TBC1D10B: variants seen among roughly 807,000 people sequenced by gnomAD.
TBC1D10B encodes TBC1 domain family member 10B, also known as Rab27A-GAPbeta.
Under a neutral mutation model 78.4 loss-of-function variants are expected in TBC1D10B, and 25 were observed. The observed-to-expected ratio is 0.32, with a 90% confidence interval of 0.23 to 0.45. TBC1D10B has a LOEUF of 0.45. Among genes scored for constraint, TBC1D10B ranks in the 20% least tolerant of loss-of-function variants. The probability of loss-of-function intolerance (pLI) is 1.00; values close to 1 mark genes in which losing one functional copy is unlikely to be tolerated. For missense variants in TBC1D10B, 996 were observed against 1,104.8 expected, an observed-to-expected ratio of 0.90 and a Z score of 1.40; for synonymous variants, 517 against 478.0, an observed-to-expected ratio of 1.08 and a Z score of -1.06.
Position 30,369,545 on chromosome 16 carries a change from G to A in TBC1D10B, c.639C>T (p.Pro213=). The A allele has an allele frequency of 6.5e-7, 1 of 1,544,738 alleles. No individual in the cohort carries two copies. Among genetic ancestry groups the A allele is most frequent in the Non-Finnish European group, 8.7e-7 (1 of 1,143,994 alleles). ...CAGAGGGGCCTGTGCCAGGGCCTGA[G>A]GGGTCCTCAGGAGCCTGTCCTGCTG... is the stretch of plus-strand genomic sequence containing the variant. ...SASAGQAPED[P]SGPGTGPSGT... is the part of the protein sequence containing the mutation. Residue 213 remains proline, a synonymous_variant, in exon 1 of 9, where the codon CCC becomes CCT. Transcript: ENST00000409939. This position sits in a 1 kb window ranked among gnomAD's most constrained non-coding sequence, Gnocchi z 4.3.
Position 30,365,192 on chromosome 16 carries a change from C to T in TBC1D10B, c.1077G>A (p.Lys359=), listed in dbSNP as rs758781376. 6.2e-6 allele frequency: 10 copies of T among 1,613,928 alleles called. No homozygotes were observed. The South Asian group carries it at 1.1e-4, about 18-fold the overall frequency. ...RFQKVKLRCR[K]GIPSSLRAKA... ...TGGCTCTGAGAGAGGAGGGGATCCC[C>T]TTCCGGCAGCGCAGCTTCACCTAAG... Residue 359 remains lysine (K), a synonymous_variant, in exon 3 of 9, where the codon AAG becomes AAA. Transcript: ENST00000409939. This position sits in a 1 kb window ranked among gnomAD's most constrained non-coding sequence, Gnocchi z 5.0.
In TBC1D10B at chr16:30,369,230, G is replaced by A; in HGVS notation, c.954C>T (p.Ser318=). 2 of 1,576,040 alleles carry A rather than the reference G, an allele frequency of 1.3e-6. No homozygotes were observed. The highest frequency in any genetic ancestry group is 1.2e-5 in the South Asian group (1 of 85,692). The part of the protein sequence containing the change: ...GFLGGSQYSG[S]LESSIPVDVA... ...GCTGGGTGCCCACTGGTACTCACAGGCTGCCCGAGTACTGGCTGCCCCCAA... is the reference window on the plus strand; with the variant it reads ...GCTGGGTGCCCACTGGTACTCACAGACTGCCCGAGTACTGGCTGCCCCCAA... Residue 318 remains serine, a splice_region_variant and synonymous_variant, in exon 1 of 9, where the codon AGC becomes AGT. Coordinates refer to ENST00000409939, the MANE Select transcript of TBC1D10B (RefSeq NM_015527.4). The surrounding 1 kb of genome is among the most constrained non-coding windows in gnomAD (Gnocchi z 4.3).
chr16:30,358,867 AG>A, intron 7 of TBC1D10B, 50 bp from the exon 8 acceptor site: 1 of 1,554,072 alleles, frequency 6.4e-7, no homozygotes, highest in African/African-American at 1.4e-5. Flanking sequence ...CCAAGATCTC[AG>A]CCTGTCCTGA....
Position 30,365,509 on chromosome 16 carries a change from G to T in TBC1D10B, c.1042C>A (p.Arg348=). The change falls in exon 2 of 9, where the codon CGG becomes AGG. Residue 348 remains arginine, a synonymous_variant. Transcript: ENST00000409939. This position sits in a 1 kb window ranked among gnomAD's most constrained non-coding sequence, Gnocchi z 5.0. Reference sequence around the variant, plus strand: ...AGCCCTCAAACCTTCTGGAATCGCCGTGACAGCCACTTATCCCAGTTACTG... The same window carrying T: ...AGCCCTCAAACCTTCTGGAATCGCCTTGACAGCCACTTATCCCAGTTACTG... ...MFSNWDKWLS[R]RFQKVKLRCR... 1.2e-6 allele frequency: 2 copies of T among 1,613,960 alleles called. No individual in the cohort carries two copies. Among genetic ancestry groups the T allele is most frequent in the Non-Finnish European group, 1.7e-6 (2 of 1,179,894 alleles).
chr16:30,364,941 C>T lies in TBC1D10B; in HGVS notation c.1230G>A (p.Gln410=). Residue 410 remains glutamine (Q), a synonymous_variant, in exon 4 of 9, where the codon CAG becomes CAA. Transcript: ENST00000409939. ...CAGCAAACATCTCGTGGAAAGGGAA[C>T]TGGCGGTGCAGGTCCTTCTCAATCA... ...LDVIEKDLHR[Q]FPFHEMFAAR... 6.2e-7 allele frequency: 1 copy of T among 1,613,166 alleles called. No individual in the cohort carries two copies. The highest frequency in any genetic ancestry group is 8.5e-7 in the Non-Finnish European group (1 of 1,179,602).
Position 30,361,228 on chromosome 16 carries a change from G to C in TBC1D10B, c.1272-1387C>G, listed in dbSNP as rs377112562. 2.0e-5 allele frequency among the ~76,000 whole-genome samples: 3 copies of C among 152,158 alleles called. No individual in the cohort carries two copies. The East Asian group carries it at 5.8e-4, about 29-fold the overall frequency. ...TGAATCTGGGAATCTGGGAGGCAGAGGTTGCAGTGAGCCAAGATCACACCA... is the reference window on the plus strand; with the variant it reads ...TGAATCTGGGAATCTGGGAGGCAGACGTTGCAGTGAGCCAAGATCACACCA... On this transcript the variant is annotated intron_variant, in intron 4 of 8. Transcript: ENST00000409939.
chr16:30,358,444 G>A lies in TBC1D10B; in HGVS notation c.1927C>T (p.His643Tyr), dbSNP rs1208983069. The change falls in exon 9 of 9, where the codon CAC (histidine) becomes TAC (tyrosine). Residue 643 changes from histidine (H) to tyrosine (Y), a missense_variant. This residue lies in a region of TBC1D10B where 285 missense variants were observed against 252.5 expected (regional missense o/e 1.13). Transcript: ENST00000409939. ...SRRLHGSRAI[H>Y]EERRRQQPPL... ...GGCTGTTGCCGCCGGCGCTCCTCGT[G>A]GATGGCCCGGGACCCATGCAGTCGC... The A allele has an allele frequency of 6.3e-7, 1 of 1,589,476 alleles. No individual in the cohort carries two copies. The highest frequency in any genetic ancestry group is 8.6e-7 in the Non-Finnish European group (1 of 1,168,480).
Position 30,365,366 on chromosome 16 carries a change from C to G in TBC1D10B, c.1056+129G>C. On this transcript the variant is annotated intron_variant, in intron 2 of 8. Coordinates refer to ENST00000409939, the MANE Select transcript of TBC1D10B (RefSeq NM_015527.4). This position sits in a 1 kb window ranked among gnomAD's most constrained non-coding sequence, Gnocchi z 5.0. ...TGGACTTCTATTTTTAAAGCCATTC[C>G]CCCGCCAGGGCCCATCTATCCCCAG... is the stretch of plus-strand genomic sequence containing the variant. 1.5e-6 allele frequency: 2 copies of G among 1,299,840 alleles called. No individual in the cohort carries two copies. The highest frequency in any genetic ancestry group is 3.6e-5 in the Admixed American group (2 of 55,166). The allele number at this position is 1,299,840 out of a possible 1,614,324, so 80.5% of individuals were successfully genotyped here. A position where few individuals can be genotyped will look rare whatever the true frequency, so the allele number is the denominator to read the frequency against.
rs1268463430 is a variant in TBC1D10B, at chr16:30,370,018, C to T, written c.166G>A (p.Gly56Arg). The change falls in exon 1 of 9, where the codon GGG becomes AGG. Residue 56 changes from glycine (G) to arginine (R), a missense_variant. By Grantham distance (125) the Gly-to-Arg change is moderately radical. Around this residue, in one of 5 missense-constraint regions of TBC1D10B, gnomAD observed 448 missense variants for 442.1 expected, o/e 1.01. Coordinates refer to ENST00000409939, the MANE Select transcript of TBC1D10B (RefSeq NM_015527.4). The part of the protein sequence containing the change: ...TSAPVTLVAP[G>R]EARPAWVPGS... ...GGGACCCAGGCGGGCCGCGCCTCCCCGGGGGCCACCAGGGTGACGGGGGCC... is the reference window on the plus strand; with the variant it reads ...GGGACCCAGGCGGGCCGCGCCTCCCTGGGGGCCACCAGGGTGACGGGGGCC... The T allele has an allele frequency of 2.4e-6, 3 of 1,231,766 alleles. No individual in the cohort carries two copies. The East Asian group carries it at 9.5e-5, about 39-fold the overall frequency. The allele number at this position is 1,231,766 out of a possible 1,614,324, so 76.3% of individuals were successfully genotyped here.
chr16:30,365,063 C>G lies in TBC1D10B; in HGVS notation c.1164+42G>C. ...TCTGGGGGAACTGATACCCCTTGCA[C>G]AGACAGGGCCACATGTCCCCACACC... On this transcript the variant is annotated intron_variant, in intron 3 of 8. Transcript: ENST00000409939. This position sits in a 1 kb window ranked among gnomAD's most constrained non-coding sequence, Gnocchi z 5.0. 6.2e-7 allele frequency: 1 copy of G among 1,611,704 alleles called. No individual in the cohort carries two copies. Among genetic ancestry groups the G allele is most frequent in the Non-Finnish European group, 8.5e-7 (1 of 1,177,830 alleles).
At position 30,365,206 on chromosome 16, in the gene TBC1D10B, G is replaced by C; in HGVS notation, c.1063C>G (p.Leu355Val). Residue 355 changes from leucine to valine, a missense_variant, in exon 3 of 9, where the codon CTG becomes GTG. Coordinates refer to ENST00000409939, the MANE Select transcript of TBC1D10B (RefSeq NM_015527.4). This position sits in a 1 kb window ranked among gnomAD's most constrained non-coding sequence, Gnocchi z 5.0. ...WLSRRFQKVKLRCRKGIPSSL... is the reference protein window; with the variant it reads ...WLSRRFQKVKVRCRKGIPSSL... The stretch of plus-strand genomic sequence containing the variant: ...GAGGGGATCCCCTTCCGGCAGCGCA[G>C]CTTCACCTAAGGCAAAGTGGCAGGA... The C allele has an allele frequency of 6.2e-7, 1 of 1,613,894 alleles. No homozygotes were observed. Among genetic ancestry groups the C allele is most frequent in the Non-Finnish European group, 8.5e-7 (1 of 1,179,856 alleles).
In TBC1D10B at chr16:30,365,669, A is replaced by G; in HGVS notation, c.957-75T>C. The G allele has an allele frequency of 2.9e-6, 4 of 1,376,862 alleles. No homozygotes were observed. The highest frequency in any genetic ancestry group is 4.1e-6 in the Non-Finnish European group (4 of 973,208). 85.3% of individuals were successfully genotyped at this position (1,376,862 alleles called of 1,614,324 possible). ...CTGCATTGCAGGGGGAACTGAGGCA[A>G]GCCACCTCCCCAAGCTCAAACGAGA... On this transcript the variant is annotated intron_variant, in intron 1 of 8. Coordinates refer to ENST00000409939, the MANE Select transcript of TBC1D10B (RefSeq NM_015527.4). This position sits in a 1 kb window ranked among gnomAD's most constrained non-coding sequence, Gnocchi z 5.0.
rs1347286435 is a variant in TBC1D10B, at chr16:30,357,152, T to C, written c.*792A>G. 2 of 151,702 alleles carry C rather than the reference T, an allele frequency of 1.3e-5. No homozygotes were observed. Among genetic ancestry groups the C allele is most frequent in the East Asian group, 1.9e-4 (1 of 5,130 alleles). The allele number at this position is 151,702 out of a possible 1,614,324, so 9.4% of individuals were successfully genotyped here. The stretch of plus-strand genomic sequence containing the variant: ...CAATTCCTCAAAGCGCTGCATGGGG[T>C]GGGGGCAGAGACAGAAGAGAATGTA... On this transcript the variant is annotated 3_prime_UTR_variant, in exon 9 of 9. Coordinates refer to ENST00000409939, the MANE Select transcript of TBC1D10B (RefSeq NM_015527.4).
Position 30,359,283 on chromosome 16 carries a change from G to A in TBC1D10B, c.1531C>T (p.Arg511Trp), listed in dbSNP as rs2049582915. 5.0e-6 allele frequency: 8 copies of A among 1,607,322 alleles called. No homozygotes were observed. The highest frequency in any genetic ancestry group is 6.8e-6 in the Non-Finnish European group (8 of 1,176,974). Residue 511 changes from arginine to tryptophan, a missense_variant, in exon 7 of 9, where the codon CGG (arginine) becomes TGG (tryptophan). Around this residue, in one of 5 missense-constraint regions of TBC1D10B, gnomAD observed 168 missense variants for 238.7 expected, o/e 0.70. Transcript: ENST00000409939. ...ASPLAHRHLR[R>W]QRIDPVLYMT... is the part of the protein sequence containing the mutation. ...TAGAGCACAGGGTCAATGCGCTGCC[G>A]CCGCAGGTGGCGATGCGCCAGCGGG... is the stretch of plus-strand genomic sequence containing the variant.
At chr16:30,364,462 T>C (rs1047479090) in intron 4 of TBC1D10B, among the ~76,000 whole-genome samples, 1 of 151,878 alleles carries the variant, frequency 6.6e-6, no homozygotes, top group African/African-American at 2.4e-5. Flanking sequence ...CAAAAAAAAG[T>C]CCATCAGAGA....
Position 30,365,255 on chromosome 16 carries a change from A to G in TBC1D10B, c.1057-43T>C, listed in dbSNP as rs774328129. The G allele has an allele frequency of 5.1e-6, 8 of 1,557,816 alleles. No homozygotes were observed. Among genetic ancestry groups the G allele is most frequent in the Non-Finnish European group, 7.1e-6 (8 of 1,130,694 alleles). On this transcript the variant is annotated intron_variant, in intron 2 of 8. Coordinates refer to ENST00000409939, the MANE Select transcript of TBC1D10B (RefSeq NM_015527.4). The surrounding 1 kb of genome is among the most constrained non-coding windows in gnomAD (Gnocchi z 5.0). ...GAGGGGGACAGCTTCAAGGGCTGGCACAGCCTCCAACCTTTCCCCAGCAGT... is the reference window on the plus strand; with the variant it reads ...GAGGGGGACAGCTTCAAGGGCTGGCGCAGCCTCCAACCTTTCCCCAGCAGT...
At chr16:30,359,690 C>G (rs1406093007) in intron 5 of TBC1D10B, 37 bp downstream of exon 5, 1 of 1,554,740 alleles carries the variant, frequency 6.4e-7, no homozygotes, top group Non-Finnish European at 8.7e-7. Flanking sequence ...GGGTGAGATC[C>G]CCCCTGCCCC....
Position 30,357,856 on chromosome 16 carries a change from C to G in TBC1D10B, c.*88G>C. 1 of 1,451,290 alleles carries G rather than the reference C, an allele frequency of 6.9e-7. No individual in the cohort carries two copies. Among genetic ancestry groups the G allele is most frequent in the Non-Finnish European group, 9.1e-7 (1 of 1,103,572 alleles). The allele number at this position is 1,451,290 out of a possible 1,614,324, so 89.9% of individuals were successfully genotyped here. On this transcript the variant is annotated 3_prime_UTR_variant, in exon 9 of 9. Coordinates refer to ENST00000409939, the MANE Select transcript of TBC1D10B (RefSeq NM_015527.4). The stretch of plus-strand genomic sequence containing the variant: ...CTTTCCCCAGCAAGGGACAGCCTGA[C>G]AAGGTGCTAGGGGGTGGCACCTTGG...
Position 30,369,614 on chromosome 16 carries a change from T to C in TBC1D10B, c.570A>G (p.Gly190=), listed in dbSNP as rs1567415822. 2 of 1,527,196 alleles carry C rather than the reference T, an allele frequency of 1.3e-6. No homozygotes were observed. The highest frequency in any genetic ancestry group is 8.8e-7 in the Non-Finnish European group (1 of 1,134,522). 94.6% of individuals were successfully genotyped at this position (1,527,196 alleles called of 1,614,324 possible). The change falls in exon 1 of 9, where the codon GGA becomes GGG. Residue 190 remains glycine, a synonymous_variant. Coordinates refer to ENST00000409939, the MANE Select transcript of TBC1D10B (RefSeq NM_015527.4). The surrounding 1 kb of genome is among the most constrained non-coding windows in gnomAD (Gnocchi z 4.3). Reference sequence around the variant, plus strand: ...CAGCTCCATGCCCACCTGTCACTTGTCCTGATGCACTCCGTGCAGTCACTC... The same window carrying C: ...CAGCTCCATGCCCACCTGTCACTTGCCCTGATGCACTCCGTGCAGTCACTC... ...ASGVTARSAS[G]QVTGGHGAAA... is the part of the protein sequence containing the mutation.
Sources: gnomAD v4.1 joint callset for allele counts (sites outside exome capture counted in the v4.1 genomes callset) on GRCh38, gnomAD v4.1.1 for gene constraint, gnomAD v4.1.1 regional missense constraint, Gnocchi (gnomAD v3.1) non-coding constraint, MANE v1.5 for transcripts, NCBI Gene and HGNC (gene_info 2026-07-23, HGNC 2026-07-21) for gene names.